The following BMPR2 variants were observed in gnomAD, a reference collection of about 807,000 sequenced individuals.
BMPR2 encodes bone morphogenetic protein receptor type-2.
In BMPR2, 29 loss-of-function variants were observed where a neutral mutation model predicts 100.8. The observed-to-expected ratio is 0.29, with a 90% CI of 0.21 to 0.39. The LOEUF is 0.39. BMPR2 is among the 10% of genes least tolerant of loss of function. The pLI, the probability that BMPR2 is intolerant of heterozygous loss-of-function variation, is 1.00. For synonymous variants in BMPR2, 382 were observed against 442.3 expected (o/e 0.86, Z 1.71); for missense variants, 1,011 against 1,274.5 (o/e 0.79, Z 3.15).
intron 1 of BMPR2, among the ~76,000 whole-genome samples, chr2:202,419,574 C>T (rs549471611): frequency 1.3e-5 from 2 of 152,080 alleles, no homozygotes; most frequent in Non-Finnish European, 2.9e-5. Context: ...CCAGGCTGGT[C>T]TTGAACTCCT....
chr2:202,534,650 A>G (rs1299665583), intron 9 of BMPR2, among the ~76,000 whole-genome samples: 1 of 152,208 alleles, frequency 6.6e-6, no homozygotes. Flanking sequence ...AAAGTCTCCC[A>G]TGTCTACTTC....
intron 7 of BMPR2, 79 bp from the exon 8 acceptor site, chr2:202,530,715 C>CT: frequency 2.3e-6 from 3 of 1,292,906 alleles, no homozygotes; most frequent in Non-Finnish European, 3.2e-6. Flanking sequence ...AATAATACTA[C>CT]TTCTATATTT....
At chr2:202,382,479 C>T (rs565229061) in intron 1 of BMPR2, among the ~76,000 whole-genome samples, 20 of 152,342 alleles carry the variant, frequency 1.3e-4, no homozygotes, top group Non-Finnish European at 1.8e-4. Flanking sequence ...GTGTGAGCTA[C>T]CGCACCTGAC....
At chr2:202,507,163 T>A (rs572208749) in intron 3 of BMPR2, among the ~76,000 whole-genome samples, 2 of 152,262 alleles carry the variant, frequency 1.3e-5, no homozygotes, top group South Asian at 4.1e-4. Flanking sequence ...ACTCACTGCT[T>A]TACCTAGGAT....
rs553037529 is a variant in BMPR2 at position 202,418,208 on chromosome 2, T to C, written c.76+40658T>C. On this transcript the variant is annotated intron_variant, in intron 1 of 12. Transcript: ENST00000374580. ...ATGCTTGTATTTCTTATCTAATCTT[T>C]CTAAAGCATCCAGGCCCTTCTACAT... Among the ~76,000 whole-genome samples the C allele has an allele frequency of 2.0e-5, 3 of 152,302 alleles. No homozygotes were observed. The East Asian group carries it at 5.8e-4, about 29-fold the overall frequency.
intron 1 of BMPR2, among the ~76,000 whole-genome samples, chr2:202,395,041 G>A (rs970238142): frequency 1.3e-5 from 2 of 151,808 alleles, no homozygotes; most frequent in African/African-American, 2.4e-5. Context: ...CCGCCACCAC[G>A]CCTGGCTAAT....
Position 202,513,893 on chromosome 2 carries a change from C to T in BMPR2, c.529+64C>T, listed in dbSNP as rs7575056. 0.13 allele frequency: 164,703 copies of T among 1,290,226 alleles called. 11,421 individuals are homozygous for T. The highest frequency in any genetic ancestry group is 0.15 in the Admixed American group (8,386 of 55,706). 79.9% of individuals were successfully genotyped at this position (1,290,226 alleles called of 1,614,324 possible). On this transcript the variant is annotated intron_variant, in intron 4 of 12. Coordinates refer to ENST00000374580, the MANE Select transcript of BMPR2 (RefSeq NM_001204.7). ...ATGCAATTTAATCAATTTATTTGCT[C>T]CTTTTAAATTCCGTATGTTAAAAAA...
chr2:202,465,013 G>A, intron 2 of BMPR2, 34 bp downstream of exon 2: 1 of 1,607,800 alleles, frequency 6.2e-7, no homozygotes, highest in South Asian at 1.1e-5. Flanking sequence ...AAATGACTGT[G>A]TTTTATACAA....
intron 9 of BMPR2, among the ~76,000 whole-genome samples, chr2:202,534,700 T>C (rs1209325388): frequency 6.6e-6 from 1 of 152,156 alleles, no homozygotes; most frequent in East Asian, 1.9e-4. Context: ...TTCTCAATCT[T>C]TTCCCCACCT....
At chr2:202,466,343 A>G (rs1225231665) in intron 2 of BMPR2, among the ~76,000 whole-genome samples, 2 of 151,704 alleles carry the variant, frequency 1.3e-5, no homozygotes, top group Non-Finnish European at 2.9e-5. Context: ...CTGGAGTGCA[A>G]TGGTGGGATC....
At chr2:202,405,162 T>G (rs1690862251) in intron 1 of BMPR2, among the ~76,000 whole-genome samples, 1 of 152,070 alleles carries the variant, frequency 6.6e-6, no homozygotes, top group Admixed American at 6.6e-5. Context: ...ATTGGTCAGC[T>G]TTTTCTTATT....
Position 202,556,537 on chromosome 2 carries a change from T to C in BMPR2, c.2866+6T>C. The C allele has an allele frequency of 6.2e-7, 1 of 1,611,076 alleles. No individual in the cohort carries two copies. Among genetic ancestry groups the C allele is most frequent in the Non-Finnish European group, 8.5e-7 (1 of 1,179,970 alleles). On this transcript the variant is annotated splice_donor_region_variant and intron_variant, in intron 12 of 12. Transcript: ENST00000374580. ...GGATGGCAGCAGTATACAGAGTAAG[T>C]GGAGGGATCATATAATCTCTCCTGT...
rs911990783 is a variant in BMPR2 at position 202,436,992 on chromosome 2, T to G, written c.77-27817T>G. On this transcript the variant is annotated intron_variant, in intron 1 of 12. Coordinates refer to ENST00000374580, the MANE Select transcript of BMPR2 (RefSeq NM_001204.7). ...ATTTTTAGTCAATTAGCATTTATTT[T>G]GGGGCTTCCTCAAAAACTCTAAATT... Among the ~76,000 whole-genome samples the G allele has an allele frequency of 2.0e-5, 3 of 150,448 alleles. 1 individual carries two copies. Among genetic ancestry groups the G allele is most frequent in the African/African-American group, 7.5e-5 (3 of 39,796 alleles).
chr2:202,427,387 G>T (rs988123749), intron 1 of BMPR2, among the ~76,000 whole-genome samples: 10 of 148,710 alleles, frequency 6.7e-5, no homozygotes, highest in African/African-American at 2.5e-4. Flanking sequence ...AAAAGGGCAG[G>T]TATATTGGAT....
At chr2:202,397,258 T>G (rs565231679) in intron 1 of BMPR2, among the ~76,000 whole-genome samples, 1 of 152,312 alleles carries the variant, frequency 6.6e-6, no homozygotes, top group African/African-American at 2.4e-5. Context: ...AAAAAAACAC[T>G]GCCAAGTAAA....
intron 1 of BMPR2, among the ~76,000 whole-genome samples, chr2:202,460,622 C>A (rs1692207237): frequency 6.6e-6 from 1 of 151,960 alleles, no homozygotes; most frequent in African/African-American, 2.4e-5. Context: ...GAGAAACTCT[C>A]ACAGAAGCAG....
At chr2:202,551,673 G>A (rs769330559) in intron 10 of BMPR2, among the ~76,000 whole-genome samples, 1 of 152,096 alleles carries the variant, frequency 6.6e-6, no homozygotes, top group East Asian at 1.9e-4. Flanking sequence ...AGAGATGTCT[G>A]TAAGTTTTAA....
chr2:202,511,225 T>C (rs1388736964), intron 3 of BMPR2, among the ~76,000 whole-genome samples: 1 of 150,468 alleles, frequency 6.6e-6, no homozygotes, highest in African/African-American at 2.4e-5. Flanking sequence ...CTATTCTGAG[T>C]ATTTCATTTC....
At chr2:202,515,147 G>A (rs1687690495) in intron 5 of BMPR2, among the ~76,000 whole-genome samples, 168 bp downstream of exon 5, 1 of 152,180 alleles carries the variant, frequency 6.6e-6, no homozygotes, top group East Asian at 1.9e-4. Flanking sequence ...GGTGAACAAT[G>A]TCTCCTGGGG....
Sources: allele counts gnomAD v4.1 joint callset (sites outside exome capture counted in the v4.1 genomes callset), GRCh38; gene constraint gnomAD v4.1.1; transcripts MANE v1.5; gene names NCBI Gene and HGNC (gene_info 2026-07-23, HGNC 2026-07-21).